Variants in SAMTOR observed in about 807,000 individuals in gnomAD.
SAMTOR encodes UPF0532 protein C7orf60.
At chr7:112,827,690 AGTT>A in the SAMTOR span, among the ~76,000 whole-genome samples, 410 of 152,200 alleles carry the variant, frequency 2.7e-3, 3 homozygotes, top group African/African-American at 9.3e-3. Flanking sequence ...TTATGTAAAT[AGTT>A]GTTATGCTAT....
the SAMTOR span, among the ~76,000 whole-genome samples, chr7:112,892,340 G>A: frequency 6.6e-6 from 1 of 152,180 alleles, no homozygotes; most frequent in Admixed American, 6.5e-5. Context: ...ATTCTGATCT[G>A]CTCCCATGAA....
chr7:112,897,268 C>T, the SAMTOR span, among the ~76,000 whole-genome samples: 1 of 152,052 alleles, frequency 6.6e-6, no homozygotes, highest in African/African-American at 2.4e-5. Flanking sequence ...ACTGTAAATA[C>T]CCACTAACTG....
the SAMTOR span, among the ~76,000 whole-genome samples, chr7:112,838,137 C>G: frequency 2.0e-5 from 3 of 151,854 alleles, no homozygotes; most frequent in African/African-American, 7.2e-5. Context: ...CATAGCTCAC[C>G]TTGTTGGACC....
chr7:112,879,538 G>A, the SAMTOR span, among the ~76,000 whole-genome samples: 1 of 152,106 alleles, frequency 6.6e-6, no homozygotes, highest in African/African-American at 2.4e-5. Flanking sequence ...CTACTAAATT[G>A]CCACTATTGC....
At chr7:112,882,766 T>TAAAAAA in the SAMTOR span, among the ~76,000 whole-genome samples, 3 of 120,666 alleles carry the variant, frequency 2.5e-5, no homozygotes, top group Admixed American at 8.0e-5. Flanking sequence ...CATCTTTTTT[T>TAAAAAA]AAAAAAAAAA....
At chr7:112,869,651 C>T in the SAMTOR span, among the ~76,000 whole-genome samples, 3 of 152,056 alleles carry the variant, frequency 2.0e-5, no homozygotes, top group East Asian at 3.9e-4. Context: ...ACAAGAACTT[C>T]GGCAATTATA....
At chr7:112,933,460 T>C in the SAMTOR span, among the ~76,000 whole-genome samples, 1 of 152,160 alleles carries the variant, frequency 6.6e-6, no homozygotes, top group Non-Finnish European at 1.5e-5. Flanking sequence ...AACAAGTAGC[T>C]CCTTACACAG....
the SAMTOR span, among the ~76,000 whole-genome samples, chr7:112,861,667 G>C: frequency 2.0e-5 from 3 of 152,050 alleles, no homozygotes; most frequent in East Asian, 5.8e-4. Context: ...TTTCTAATCT[G>C]CTATGCTTGA....
At chr7:112,938,680 C>T in the SAMTOR span, among the ~76,000 whole-genome samples, 1 of 152,212 alleles carries the variant, frequency 6.6e-6, no homozygotes, top group African/African-American at 2.4e-5. Context: ...CCTATGAAAA[C>T]AGAATTTTCA....
At chr7:112,911,113 T>G in the SAMTOR span, among the ~76,000 whole-genome samples, 1 of 152,150 alleles carries the variant, frequency 6.6e-6, no homozygotes, top group Non-Finnish European at 1.5e-5. Flanking sequence ...TAACAACTGC[T>G]TGGCTGTGTG....
the SAMTOR span, among the ~76,000 whole-genome samples, chr7:112,868,691 A>G: frequency 6.6e-6 from 1 of 152,218 alleles, no homozygotes; most frequent in East Asian, 1.9e-4. Flanking sequence ...GCCACTGCAG[A>G]CATTTTAGTA....
At chr7:112,939,595 T>G in the SAMTOR span, 4 of 1,613,718 alleles carry the variant, frequency 2.5e-6, no homozygotes, top group African/African-American at 4.0e-5. Context: ...GTTTACCTTC[T>G]CGGTACTTCT....
the SAMTOR span, among the ~76,000 whole-genome samples, chr7:112,889,615 C>G: frequency 6.6e-6 from 1 of 152,286 alleles, no homozygotes; most frequent in East Asian, 1.9e-4. Context: ...TGCTAAATTT[C>G]AATACTAAGT....
chr7:112,855,038 G>A, the SAMTOR span, among the ~76,000 whole-genome samples: 1 of 152,156 alleles, frequency 6.6e-6, no homozygotes, highest in Non-Finnish European at 1.5e-5. Context: ...GCAATGCAAA[G>A]TTCTTATCAG....
chr7:112,880,517 T>C, the SAMTOR span, among the ~76,000 whole-genome samples: 2 of 152,170 alleles, frequency 1.3e-5, no homozygotes, highest in African/African-American at 4.8e-5. Flanking sequence ...TTTTTAAGTC[T>C]AGAAAATCTA....
At chr7:112,854,137 G>A in the SAMTOR span, among the ~76,000 whole-genome samples, 1 of 152,050 alleles carries the variant, frequency 6.6e-6, no homozygotes, top group East Asian at 1.9e-4. Context: ...TTAAGGAACA[G>A]CAGAAAAAAA....
the SAMTOR span, among the ~76,000 whole-genome samples, chr7:112,855,544 C>A: frequency 6.6e-6 from 1 of 152,026 alleles, no homozygotes; most frequent in Non-Finnish European, 1.5e-5. Flanking sequence ...GACTGAGGTC[C>A]CTGTTTCCTT....
chr7:112,836,589 G>A, the SAMTOR span, among the ~76,000 whole-genome samples: 1 of 151,906 alleles, frequency 6.6e-6, no homozygotes, highest in African/African-American at 2.4e-5. Context: ...ATCTTCCAAG[G>A]TTTTTCTAGT....
chr7:112,931,957 G>A, the SAMTOR span, among the ~76,000 whole-genome samples: 2 of 146,546 alleles, frequency 1.4e-5, no homozygotes, highest in African/African-American at 5.1e-5. Context: ...ATGGAGTCTC[G>A]TTCTGTCACC....
Sources: gnomAD v4.1 joint callset for allele counts (sites outside exome capture counted in the v4.1 genomes callset) on GRCh38, gnomAD v4.1.1 for gene constraint, MANE v1.5 for transcripts, NCBI Gene and HGNC (gene_info 2026-07-23, HGNC 2026-07-21) for gene names.